Variants in MAGI1 observed in about 807,000 individuals in gnomAD.
MAGI1 encodes membrane-associated guanylate kinase, WW and PDZ domain-containing protein 1.
Under a neutral mutation model 139.9 loss-of-function variants are expected in MAGI1, and 58 were observed. That is an observed-to-expected ratio of 0.41 (90% CI 0.34 to 0.52). The LOEUF is 0.52. MAGI1 is among the 20% of genes least tolerant of loss of function. MAGI1 has a pLI of 0.12. For synonymous variants in MAGI1, 812 were observed against 737.9 expected, an observed-to-expected ratio of 1.10 and a Z score of -1.63; for missense variants, 1,874 against 1,901.6, an observed-to-expected ratio of 0.99 and a Z score of 0.27.
intron 1 of MAGI1, among the ~76,000 whole-genome samples, chr3:65,964,338 C>A (rs1431645918): frequency 1.3e-5 from 2 of 152,106 alleles, no homozygotes; most frequent in African/African-American, 4.8e-5. Context: ...CAAAATCAGA[C>A]CCTACAAAGG....
chr3:65,451,188 C>T (rs1369517496), intron 6 of MAGI1, among the ~76,000 whole-genome samples: 3 of 152,084 alleles, frequency 2.0e-5, no homozygotes, highest in Non-Finnish European at 2.9e-5. Flanking sequence ...CCATTCAATA[C>T]TTTCACTCTA....
At chr3:65,701,523 G>C (rs1021068815) in intron 1 of MAGI1, among the ~76,000 whole-genome samples, 3 of 152,194 alleles carry the variant, frequency 2.0e-5, no homozygotes, top group South Asian at 2.1e-4. Context: ...AAAATGCTAG[G>C]ATTACAGCCG....
intron 1 of MAGI1, among the ~76,000 whole-genome samples, chr3:65,930,282 C>CT (rs1185188659): frequency 2.3e-5 from 3 of 131,714 alleles, no homozygotes; most frequent in African/African-American, 8.4e-5. Flanking sequence ...CGCCACTGCA[C>CT]TCCAGCCTGG....
chr3:65,684,231 T>G (rs2087827188), intron 1 of MAGI1, among the ~76,000 whole-genome samples: 1 of 150,584 alleles, frequency 6.6e-6, no homozygotes, highest in Non-Finnish European at 1.5e-5. Context: ...ACTGTACTCT[T>G]GGACATTTAT....
At chr3:65,813,051 C>A (rs930122414) in intron 1 of MAGI1, among the ~76,000 whole-genome samples, 6 of 151,412 alleles carry the variant, frequency 4.0e-5, no homozygotes, top group South Asian at 4.2e-4. Flanking sequence ...AAGTCAATTT[C>A]TTTTTTATTA....
In MAGI1 at chr3:65,470,306, T is replaced by G; in HGVS notation, c.936A>C (p.Glu312Asp). The change falls in exon 5 of 23, where the codon GAA becomes GAC. Residue 312 changes from glutamate (E) to aspartate (D), a missense_variant. By Grantham distance (45) the Glu-to-Asp change is conservative. This residue lies in a region of MAGI1 where 648 missense variants were observed against 598.1 expected (regional missense o/e 1.08). Coordinates refer to ENST00000402939, the MANE Select transcript of MAGI1 (RefSeq NM_001033057.2). ...ACTCTATAAAATAGACTTCTCCATT[T>G]TCAGTATAGGCCATCTCCCAGTTTT... Reference protein sequence around the residue: ...LPENWEMAYTENGEVYFIDHN... With the variant: ...LPENWEMAYTDNGEVYFIDHN... The G allele has an allele frequency of 6.2e-7, 1 of 1,611,706 alleles. No homozygotes were observed.
chr3:65,520,777 T>C (rs1186090804), intron 2 of MAGI1, among the ~76,000 whole-genome samples: 1 of 152,168 alleles, frequency 6.6e-6, no homozygotes, highest in Non-Finnish European at 1.5e-5. Flanking sequence ...GCATCAACAG[T>C]GTTTATTAAG....
intron 1 of MAGI1, among the ~76,000 whole-genome samples, chr3:66,030,470 C>T (rs1040074360): frequency 4.6e-5 from 7 of 152,186 alleles, no homozygotes; most frequent in Non-Finnish European, 1.0e-4. Flanking sequence ...TCAGAGCTTA[C>T]ATTCTAGAGA....
intron 12 of MAGI1, among the ~76,000 whole-genome samples, chr3:65,412,127 A>G (rs1945843758): frequency 6.6e-6 from 1 of 152,158 alleles, no homozygotes; most frequent in South Asian, 2.1e-4. Flanking sequence ...GCCCTCCTGG[A>G]TGTGACCCCT....
At chr3:65,468,353 T>C (rs532976431) in intron 5 of MAGI1, among the ~76,000 whole-genome samples, 1 of 149,246 alleles carries the variant, frequency 6.7e-6, no homozygotes, top group East Asian at 2.0e-4. Flanking sequence ...GGGTAGATTC[T>C]CAAAGAGGGT....
At chr3:65,428,782 T>A (rs1240066074) in intron 12 of MAGI1, among the ~76,000 whole-genome samples, 1 of 152,126 alleles carries the variant, frequency 6.6e-6, no homozygotes, top group Non-Finnish European at 1.5e-5. Context: ...TGATCAAGGT[T>A]ATGAAAAACT....
chr3:65,369,534 A>G (rs764220267), intron 18 of MAGI1, among the ~76,000 whole-genome samples: 2 of 145,678 alleles, frequency 1.4e-5, no homozygotes, highest in African/African-American at 2.6e-5. Context: ...TTCTGGAGAC[A>G]CAGTCTCACT....
chr3:65,719,736 G>C (rs569749557), intron 1 of MAGI1, among the ~76,000 whole-genome samples: 3 of 151,908 alleles, frequency 2.0e-5, no homozygotes, highest in Non-Finnish European at 4.4e-5. Context: ...TTGTAGAGAA[G>C]GAGTTTTGCC....
At chr3:65,893,314 A>G (rs1038484510) in intron 1 of MAGI1, among the ~76,000 whole-genome samples, 2 of 152,160 alleles carry the variant, frequency 1.3e-5, no homozygotes, top group African/African-American at 4.8e-5. Context: ...TACTAACATC[A>G]GATTTACTAT....
At chr3:65,375,708 A>AAGAGAG (rs3836224) in intron 18 of MAGI1, 37 bp downstream of exon 18, 2 of 1,375,590 alleles carry the variant, frequency 1.5e-6, no homozygotes, top group African/African-American at 1.5e-5. Context: ...GAGAGAGAAA[A>AAGAGAG]AGAGAGAGAG....
At position 65,637,556 on chromosome 3, in the gene MAGI1, A is replaced by G. The variant is rs797005396; in HGVS notation, c.314-15468T>C. Among the ~76,000 whole-genome samples the G allele has an allele frequency of 2.2e-3, 282 of 127,976 alleles. 6 individuals carry two copies. The highest frequency in any genetic ancestry group is 7.9e-3 in the African/African-American group (258 of 32,540). 84.0% of individuals were successfully genotyped at this position (127,976 alleles called of 152,430 possible). ...GTGACATTGAGACCCTGTCTCCAAA[A>G]AAAGAAAGAAAGAAAGAAAGAAAGA... On this transcript the variant is annotated intron_variant, in intron 1 of 22. Coordinates refer to ENST00000402939, the MANE Select transcript of MAGI1 (RefSeq NM_001033057.2).
chr3:65,848,356 A>G (rs946269560), intron 1 of MAGI1, among the ~76,000 whole-genome samples: 14 of 152,320 alleles, frequency 9.2e-5, no homozygotes, highest in Admixed American at 8.5e-4. Flanking sequence ...AGCAGGCTTA[A>G]TAAGAAGCTG....
At chr3:65,894,656 A>G (rs1253752418) in intron 1 of MAGI1, among the ~76,000 whole-genome samples, 1 of 152,256 alleles carries the variant, frequency 6.6e-6, no homozygotes, top group Non-Finnish European at 1.5e-5. Context: ...AAAGACTAGC[A>G]ACCACCTAGG....
chr3:65,948,089 A>G (rs1018575556), intron 1 of MAGI1, among the ~76,000 whole-genome samples: 5 of 151,674 alleles, frequency 3.3e-5, no homozygotes, highest in Non-Finnish European at 5.9e-5. Flanking sequence ...TTACAGGCAC[A>G]TGCCACCACA....
Sources: gnomAD v4.1 joint callset for allele counts (sites outside exome capture counted in the v4.1 genomes callset) on GRCh38, gnomAD v4.1.1 for gene constraint, gnomAD v4.1.1 regional missense constraint, MANE v1.5 for transcripts, NCBI Gene and HGNC (gene_info 2026-07-23, HGNC 2026-07-21) for gene names.